NPSR1: variants seen among roughly 807,000 people sequenced by gnomAD.
NPSR1 encodes the protein neuropeptide S receptor.
NPSR1 carries 48 observed loss-of-function variants against 46.9 expected under a neutral mutation model. The observed-to-expected ratio is 1.02, with a 90% CI of 0.81 to 1.30. NPSR1 has a LOEUF of 1.30. Ranked by LOEUF, NPSR1 falls within the 50% of genes most tolerant of loss-of-function variation. NPSR1 has a pLI of 0.00. For missense variants in NPSR1, 450 were observed against 449.5 expected, an observed-to-expected ratio of 1.00 and a Z score of -0.01; for synonymous variants, 176 against 168.1, an observed-to-expected ratio of 1.05 and a Z score of -0.36.
chr7:34,877,987 ACCACAGTGAGGTCACACATTCCTT>A, intron 8 of NPSR1: 1 of 708,578 alleles, frequency 1.4e-6, no homozygotes, highest in Non-Finnish European at 2.5e-6. Flanking sequence ...ATGAGAAATG[ACCACAGTGAGGTCACACATTCCTT>A]CCTTTTATGC....
At chr7:34,712,870 C>T (rs1033752212) in intron 2 of NPSR1, among the ~76,000 whole-genome samples, 13 of 152,168 alleles carry the variant, frequency 8.5e-5, no homozygotes, top group African/African-American at 1.9e-4. Flanking sequence ...CTGATAGCCA[C>T]GTGCTCATTT....
chr7:34,783,028 G>A (rs1787302058), intron 3 of NPSR1, among the ~76,000 whole-genome samples: 2 of 151,850 alleles, frequency 1.3e-5, no homozygotes, highest in East Asian at 1.9e-4. Flanking sequence ...AAATTATCAA[G>A]TAGACAAAGA....
At chr7:34,724,711 A>AG (rs1642114912) in intron 2 of NPSR1, among the ~76,000 whole-genome samples, 1 of 152,150 alleles carries the variant, frequency 6.6e-6, no homozygotes, top group African/African-American at 2.4e-5. Flanking sequence ...GGTGAACTTG[A>AG]CAGGTCAATT....
intron 4 of NPSR1, among the ~76,000 whole-genome samples, chr7:34,826,591 A>G (rs1030183656): frequency 6.6e-6 from 1 of 152,228 alleles, no homozygotes; most frequent in African/African-American, 2.4e-5. Flanking sequence ...ACAGCTTGAC[A>G]GAAAGCATCA....
At chr7:34,755,985 T>C (rs1311325573) in intron 2 of NPSR1, among the ~76,000 whole-genome samples, 3 of 152,174 alleles carry the variant, frequency 2.0e-5, no homozygotes, top group Non-Finnish European at 4.4e-5. Context: ...ACCATACAAC[T>C]AGCAAGTAGG....
chr7:34,713,267 C>A (rs2128703336), intron 2 of NPSR1, among the ~76,000 whole-genome samples: 1 of 152,270 alleles, frequency 6.6e-6, no homozygotes, highest in Non-Finnish European at 1.5e-5. Flanking sequence ...TCTCACTTTT[C>A]TAAATGAGTT....
intron 2 of NPSR1, chr7:34,719,442 T>C (rs545184068): frequency 1.2e-4 from 19 of 152,342 alleles, no homozygotes; most frequent in African/African-American, 4.1e-4. Context: ...GCAAGCTAGA[T>C]TGGTCAGAGC....
At chr7:34,718,321 A>T (rs940037044) in intron 2 of NPSR1, among the ~76,000 whole-genome samples, 1 of 152,208 alleles carries the variant, frequency 6.6e-6, no homozygotes, top group African/African-American at 2.4e-5. Flanking sequence ...CAGCTGTGAT[A>T]TCACTCATGA....
chr7:34,729,233 C>T (rs569914346), intron 2 of NPSR1, among the ~76,000 whole-genome samples: 27 of 152,170 alleles, frequency 1.8e-4, no homozygotes, highest in South Asian at 8.3e-4. Flanking sequence ...GGAGTGAAGA[C>T]GAGGGAAACC....
chr7:34,845,532 G>T (rs771020850), intron 7 of NPSR1: 1 of 454,138 alleles, frequency 2.2e-6, no homozygotes, highest in South Asian at 1.6e-5. Flanking sequence ...GTGGTGCCCC[G>T]GCTTACTTCC....
rs11979286 is a variant in NPSR1, at chr7:34,696,493, A to T, written c.280+11809A>T. Among the ~76,000 whole-genome samples the T allele has an allele frequency of 2.8e-3, 426 of 152,206 alleles. 4 individuals are homozygous for T. The highest frequency in any genetic ancestry group is 9.8e-3 in the African/African-American group (408 of 41,572). On this transcript the variant is annotated intron_variant, in intron 2 of 8. Transcript: ENST00000360581. Reference sequence around the variant, plus strand: ...ACATATGCCTGGAATCTAAAATTTTAAAATAATGAAGATTGAATGTCCTAG... The same window carrying T: ...ACATATGCCTGGAATCTAAAATTTTTAAATAATGAAGATTGAATGTCCTAG...
chr7:34,821,447 T>C (rs988786142), intron 4 of NPSR1, among the ~76,000 whole-genome samples: 1 of 152,178 alleles, frequency 6.6e-6, no homozygotes, highest in Non-Finnish European at 1.5e-5. Flanking sequence ...TATTTATCCA[T>C]CTATTTGTTT....
chr7:34,803,095 A>T (rs1788502640), intron 3 of NPSR1, among the ~76,000 whole-genome samples: 1 of 150,602 alleles, frequency 6.6e-6, no homozygotes, highest in Non-Finnish European at 1.5e-5. Context: ...GTGGAGAAAT[A>T]GGAACACTTT....
At chr7:34,836,460 G>T (rs1790374262) in intron 6 of NPSR1, among the ~76,000 whole-genome samples, 1 of 152,126 alleles carries the variant, frequency 6.6e-6, no homozygotes, top group Non-Finnish European at 1.5e-5. Flanking sequence ...TAGAGAAATA[G>T]AAACTGTTTA....
chr7:34,670,162 A>G (rs1791975112), intron 1 of NPSR1, among the ~76,000 whole-genome samples: 1 of 152,234 alleles, frequency 6.6e-6, no homozygotes, highest in African/African-American at 2.4e-5. Flanking sequence ...AAGCTCAGAA[A>G]TTTGAACACA....
At chr7:34,751,825 T>G in intron 2 of NPSR1, 1 of 1,589,178 alleles carries the variant, frequency 6.3e-7, no homozygotes, top group Non-Finnish European at 8.6e-7. Context: ...CTCTGCCAGT[T>G]GGTAAATGAG....
intron 2 of NPSR1, among the ~76,000 whole-genome samples, chr7:34,769,361 G>A (rs1382415442): frequency 6.6e-6 from 1 of 152,034 alleles, no homozygotes; most frequent in Admixed American, 6.6e-5. Flanking sequence ...CTAACAAATT[G>A]ATCCTCACCA....
intron 2 of NPSR1, chr7:34,723,490 G>A (rs1783971067): frequency 6.6e-6 from 1 of 151,900 alleles, no homozygotes; most frequent in African/African-American, 2.4e-5. Flanking sequence ...TGTGCAGGAG[G>A]AAGGGGGCAC....
At chr7:34,844,436 G>A (rs143295599) in intron 6 of NPSR1, among the ~76,000 whole-genome samples, 58 of 151,692 alleles carry the variant, frequency 3.8e-4, no homozygotes, top group Admixed American at 2.0e-3. Context: ...TCTTGAGAGC[G>A]TTTTTTTGTT....
Sources: allele counts gnomAD v4.1 joint callset (sites outside exome capture counted in the v4.1 genomes callset), GRCh38; gene constraint gnomAD v4.1.1; transcripts MANE v1.5; gene names NCBI Gene and HGNC (gene_info 2026-07-23, HGNC 2026-07-21).